Variants in BCL2L13 observed in about 807,000 individuals in gnomAD.
BCL2L13 encodes bcl-2-like protein 13.
BCL2L13 carries 13 observed loss-of-function variants against 25.8 expected under a neutral mutation model. That is an observed-to-expected ratio of 0.50 (90% CI 0.33 to 0.80). The LOEUF (loss-of-function observed/expected upper bound fraction) is 0.80, where lower values mean the gene tolerates loss of function less well. Ranked by LOEUF, BCL2L13 falls within the 30% of genes least tolerant of loss-of-function variation. The probability of loss-of-function intolerance (pLI) is 0.02; values close to 1 mark genes in which losing one functional copy is unlikely to be tolerated. For synonymous variants in BCL2L13, 244 were observed against 230.3 expected (o/e 1.06, Z -0.54); for missense variants, 504 against 574.9 (o/e 0.88, Z 1.26).
chr22:17,671,565 C>CAA (rs35668910), intron 2 of BCL2L13, among the ~76,000 whole-genome samples: 1 of 141,232 alleles, frequency 7.1e-6, no homozygotes, highest in Non-Finnish European at 1.5e-5. Flanking sequence ...GGCTACATCT[C>CAA]AAAAAAAAAA....
At chr22:17,708,277 A>G (rs1474992222) in intron 6 of BCL2L13, among the ~76,000 whole-genome samples, 3 of 152,216 alleles carry the variant, frequency 2.0e-5, no homozygotes, top group African/African-American at 4.8e-5. Context: ...AAAAGGTACT[A>G]TATTACAGAC....
chr22:17,697,030 C>T (rs1418610101), intron 5 of BCL2L13, among the ~76,000 whole-genome samples: 1 of 151,950 alleles, frequency 6.6e-6, no homozygotes, highest in Non-Finnish European at 1.5e-5. Context: ...ATGAGTCAGA[C>T]ATGTGACCTT....
At chr22:17,697,843 T>C (rs1459748036) in intron 5 of BCL2L13, among the ~76,000 whole-genome samples, 1 of 152,180 alleles carries the variant, frequency 6.6e-6, no homozygotes, top group Non-Finnish European at 1.5e-5. Context: ...TATTTATTTA[T>C]TTTGAGACAG....
chr22:17,628,889 T>A, upstream of BCL2L13: 1 of 565,662 alleles, frequency 1.8e-6, no homozygotes, highest in East Asian at 2.9e-5. Flanking sequence ...TCTACGTCGC[T>A]GACTCGTGAC....
chr22:17,702,771 T>G (rs2060475886), intron 6 of BCL2L13: 1 of 154,814 alleles, frequency 6.5e-6, no homozygotes, highest in African/African-American at 2.4e-5. Flanking sequence ...TGTTTTCAAT[T>G]ACTAATTTAA....
intron 3 of BCL2L13, among the ~76,000 whole-genome samples, chr22:17,685,171 G>A (rs999749125): frequency 1.3e-5 from 2 of 152,078 alleles, no homozygotes; most frequent in African/African-American, 4.8e-5. Context: ...ACTGCGCCTG[G>A]CCACTATGTG....
At chr22:17,721,598 T>C (rs1457649791) in intron 6 of BCL2L13, among the ~76,000 whole-genome samples, 1 of 146,778 alleles carries the variant, frequency 6.8e-6, no homozygotes, top group Non-Finnish European at 1.5e-5. Context: ...GATCTCAGCT[T>C]ACTGCAACCT....
chr22:17,712,432 A>G (rs145216632), intron 6 of BCL2L13, among the ~76,000 whole-genome samples: 35 of 152,348 alleles, frequency 2.3e-4, no homozygotes, highest in African/African-American at 8.2e-4. Flanking sequence ...AATAAATAAC[A>G]TAAGTGTACT....
chr22:17,645,931 T>C (rs2058458505), intron 1 of BCL2L13, among the ~76,000 whole-genome samples: 1 of 151,520 alleles, frequency 6.6e-6, no homozygotes, highest in Non-Finnish European at 1.5e-5. Context: ...ATGATACCAA[T>C]ACAGTATAAC....
intron 1 of BCL2L13, among the ~76,000 whole-genome samples, chr22:17,643,690 C>A (rs985156271): frequency 6.6e-6 from 1 of 151,970 alleles, no homozygotes; most frequent in African/African-American, 2.4e-5. Flanking sequence ...TGCAGTGGTG[C>A]GATCTCGGCT....
chr22:17,688,357 G>A (rs1014562326), intron 3 of BCL2L13, among the ~76,000 whole-genome samples: 1 of 152,158 alleles, frequency 6.6e-6, no homozygotes, highest in Non-Finnish European at 1.5e-5. Flanking sequence ...TTTTAATAAG[G>A]AAATGAAAGC....
chr22:17,629,590 T>A (rs967327306), intron 1 of BCL2L13, among the ~76,000 whole-genome samples: 1 of 152,190 alleles, frequency 6.6e-6, no homozygotes, highest in Non-Finnish European at 1.5e-5. Context: ...CTTTTGAAAA[T>A]TCCTTTATCT....
chr22:17,641,349 A>G (rs1016349319), intron 1 of BCL2L13, among the ~76,000 whole-genome samples: 1 of 152,224 alleles, frequency 6.6e-6, no homozygotes, highest in East Asian at 1.9e-4. Context: ...TTTAATATAT[A>G]TACAAAGTGG....
chr22:17,676,315 TAGGC>T (rs2059575406), intron 2 of BCL2L13, among the ~76,000 whole-genome samples: 1 of 146,592 alleles, frequency 6.8e-6, no homozygotes, highest in Non-Finnish European at 1.5e-5. Flanking sequence ...CAAAAAAAAA[TAGGC>T]AGGTGTGGTG....
At chr22:17,638,633 T>C (rs532891170), upstream of BCL2L13, 49 of 1,216,062 alleles carry the variant, frequency 4.0e-5, no homozygotes, top group Middle Eastern at 6.3e-4. Flanking sequence ...AGGTCACATC[T>C]GGACGGAGAG....
At chr22:17,649,871 C>CTTTTTTTTTT (rs71201855) in intron 1 of BCL2L13, among the ~76,000 whole-genome samples, 3 of 94,390 alleles carry the variant, frequency 3.2e-5, no homozygotes, top group Non-Finnish European at 6.3e-5. Flanking sequence ...TTTTTCTTTT[C>CTTTTTTTTTT]TTTTTTTTTT....
At chr22:17,668,350 T>C (rs1412763496) in intron 2 of BCL2L13, among the ~76,000 whole-genome samples, 1 of 151,872 alleles carries the variant, frequency 6.6e-6, no homozygotes, top group Non-Finnish European at 1.5e-5. Flanking sequence ...GAGTGTCTTA[T>C]CTAAGAAACC....
Position 17,646,246 on chromosome 22 carries a change from TTTTG to T in BCL2L13, c.-51+7373_-51+7376del, listed in dbSNP as rs1169497669. 1.3e-4 allele frequency among the ~76,000 whole-genome samples: 20 copies of T among 151,606 alleles called. 1 individual carries two copies. Among genetic ancestry groups the T allele is most frequent in the African/African-American group, 2.2e-4 (9 of 40,918 alleles). On this transcript the variant is annotated intron_variant, in intron 1 of 6. Coordinates refer to ENST00000317582, the MANE Select transcript of BCL2L13 (RefSeq NM_015367.4). Reference sequence around the variant, plus strand: ...TGAATCGTACAAATTATAGCAGGTTTTTTGTTTGTTTGTTTGAGACAGAGTTTCT... The same window carrying T: ...TGAATCGTACAAATTATAGCAGGTTTTTTGTTTGTTTGAGACAGAGTTTCT...
intron 3 of BCL2L13, chr22:17,684,593 C>T (rs752443442): frequency 9.0e-5 from 41 of 453,746 alleles, no homozygotes; most frequent in Admixed American, 1.9e-4. Flanking sequence ...GATGCAGTTT[C>T]GCTCTCATTG....
Sources: allele counts gnomAD v4.1 joint callset (sites outside exome capture counted in the v4.1 genomes callset), GRCh38; gene constraint gnomAD v4.1.1; transcripts MANE v1.5; gene names NCBI Gene and HGNC (gene_info 2026-07-23, HGNC 2026-07-21).